Variants in EXOC1 observed in about 807,000 individuals in gnomAD.
EXOC1 encodes exocyst complex component 1.
In EXOC1, 67 loss-of-function variants were observed where a neutral mutation model predicts 107.7. The ratio of observed to expected loss-of-function variants is 0.62; its 90% CI spans 0.51 to 0.76. The LOEUF is 0.76. Ranked by LOEUF, EXOC1 falls within the 30% of genes least tolerant of loss-of-function variation. The probability of loss-of-function intolerance (pLI) is 0.00; values close to 1 mark genes in which losing one functional copy is unlikely to be tolerated. For synonymous variants in EXOC1, 348 were observed against 353.5 expected (o/e 0.98, Z 0.17); for missense variants, 833 against 1,055.7 (o/e 0.79, Z 2.92).
intron 15 of EXOC1, 96 bp from the exon 16 acceptor site, chr4:55,896,621 A>G (rs1188627832): frequency 4.1e-6 from 4 of 967,718 alleles, no homozygotes; most frequent in Non-Finnish European, 4.4e-6. Context: ...ATATCTATGT[A>G]TATATCTATA....
At chr4:55,863,128 G>A (rs756935589) in intron 3 of EXOC1, among the ~76,000 whole-genome samples, 10 of 152,008 alleles carry the variant, frequency 6.6e-5, no homozygotes, top group Non-Finnish European at 1.5e-4. Context: ...TCAAATTCCT[G>A]GGTTCAAGCA....
intron 15 of EXOC1, among the ~76,000 whole-genome samples, chr4:55,894,692 G>A (rs1043349663): frequency 3.8e-5 from 5 of 131,776 alleles, no homozygotes; most frequent in African/African-American, 1.2e-4. Context: ...GTGCAATCTC[G>A]GCTCACCGCA....
At chr4:55,883,696 C>G (rs1723615934) in intron 9 of EXOC1, 127 bp from the exon 10 acceptor site, 2 of 514,774 alleles carry the variant, frequency 3.9e-6, no homozygotes, top group Non-Finnish European at 6.7e-6. Context: ...ATTTTTATAT[C>G]CTGTGAAATA....
intron 1 of EXOC1, 54 bp from the exon 2 acceptor site, chr4:55,858,260 T>C (rs553138501): frequency 1.3e-6 from 2 of 1,495,284 alleles, no homozygotes; most frequent in Non-Finnish European, 1.8e-6. Flanking sequence ...TTCAGAAGTA[T>C]AAGATGGAAT....
rs1397322042 is a variant in EXOC1 at position 55,878,136 on chromosome 4, C to A, written c.1224+70C>A. The A allele has an allele frequency of 3.3e-6, 5 of 1,532,044 alleles. No individual in the cohort carries two copies. In the African/African-American group the frequency reaches 6.9e-5, roughly 21 times the overall value. The allele number at this position is 1,532,044 out of a possible 1,614,324, so 94.9% of individuals were successfully genotyped here. A position where few individuals can be genotyped will look rare whatever the true frequency, so the allele number is the denominator to read the frequency against. On this transcript the variant is annotated intron_variant, in intron 9 of 18. Transcript: ENST00000381295. Reference sequence around the variant, plus strand: ...TTTTAGAATTAAGAGGTCATGTGTTCAGTTCCCCAAGTTTAAAATACTGTA... The same window carrying A: ...TTTTAGAATTAAGAGGTCATGTGTTAAGTTCCCCAAGTTTAAAATACTGTA...
At chr4:55,879,076 C>A (rs902418973) in intron 9 of EXOC1, among the ~76,000 whole-genome samples, 2 of 152,140 alleles carry the variant, frequency 1.3e-5, no homozygotes, top group African/African-American at 4.8e-5. Flanking sequence ...ATACTGCTGA[C>A]TAAAATTCTG....
At chr4:55,859,700 TTAAG>T (rs1456128109) in intron 2 of EXOC1, among the ~76,000 whole-genome samples, 1 of 152,236 alleles carries the variant, frequency 6.6e-6, no homozygotes, top group Non-Finnish European at 1.5e-5. Context: ...CTTTACAGTG[TTAAG>T]TAAGTTCCCT....
At position 55,899,694 on chromosome 4, in the gene EXOC1, T is replaced by C. The variant is rs1231617869; in HGVS notation, c.2147T>C (p.Val716Ala). 2 of 1,610,286 alleles carry C rather than the reference T, an allele frequency of 1.2e-6. No individual in the cohort carries two copies. The highest frequency in any genetic ancestry group is 3.4e-5 in the Admixed American group (2 of 59,280). ...TCTGTTTTGGTTTTAGTGGAGAAAG[T>C]AGCAAATGAAAGCCAGAAGACCCCC... ...IRGVFVNVEK[V>A]ANESQKTPRD... is the part of the protein sequence containing the mutation. The change falls in exon 17 of 19, where the codon GTA (valine) becomes GCA (alanine). Residue 716 changes from valine to alanine, a missense_variant. By Grantham distance (64) the Val-to-Ala change is moderately conservative. Coordinates refer to ENST00000381295, the MANE Select transcript of EXOC1 (RefSeq NM_001024924.2).
chr4:55,877,842 C>A, intron 8 of EXOC1, 75 bp from the exon 9 acceptor site: 1 of 1,567,238 alleles, frequency 6.4e-7, no homozygotes, highest in South Asian at 1.2e-5. Context: ...ACATTTTGGT[C>A]ATTGTTTAGA....
At chr4:55,899,516 A>G (rs182603738) in intron 16 of EXOC1, among the ~76,000 whole-genome samples, 169 bp from the exon 17 acceptor site, 32 of 152,264 alleles carry the variant, frequency 2.1e-4, no homozygotes, top group African/African-American at 7.0e-4. Context: ...ATGACTTTTT[A>G]TTATGATTAG....
chr4:55,876,262 A>G (rs1184766992), intron 8 of EXOC1: 14 of 985,284 alleles, frequency 1.4e-5, no homozygotes, highest in Non-Finnish European at 1.6e-5. Flanking sequence ...CTTTTGGAAG[A>G]TGTGATTGTT....
chr4:55,865,048 A>T (rs2110323312), intron 4 of EXOC1, among the ~76,000 whole-genome samples: 1 of 152,320 alleles, frequency 6.6e-6, no homozygotes, highest in East Asian at 1.9e-4. Flanking sequence ...AATAGTATCT[A>T]CCTCATAGGG....
In EXOC1 at chr4:55,883,824, ATT is replaced by A; in HGVS notation, c.1227_1228del (p.Asn409LysfsTer10). 6.4e-7 allele frequency: 1 copy of A among 1,556,916 alleles called. No individual in the cohort carries two copies. Among genetic ancestry groups the A allele is most frequent in the Non-Finnish European group, 8.7e-7 (1 of 1,146,662 alleles). On this transcript the variant is annotated frameshift_variant and splice_region_variant, in exon 10 of 19. Coordinates refer to ENST00000381295, the MANE Select transcript of EXOC1 (RefSeq NM_001024924.2). LOFTEE classifies it high-confidence loss of function. ...AGTACATGTTACTTTTATTTTAAGA[ATT>A]ACATGGATTATTTATCCCGACTATA...
chr4:55,877,555 T>C (rs1029684648), intron 8 of EXOC1: 66 of 985,406 alleles, frequency 6.7e-5, no homozygotes, highest in Non-Finnish European at 7.6e-5. Context: ...TTGTGTTTCT[T>C]AATTCAAGCT....
At chr4:55,878,243 G>T (rs1577723563) in intron 9 of EXOC1, among the ~76,000 whole-genome samples, 177 bp downstream of exon 9, 1 of 152,130 alleles carries the variant, frequency 6.6e-6, no homozygotes, top group Non-Finnish European at 1.5e-5. Flanking sequence ...ATAAAGGAGA[G>T]CTAAATTTTA....
At chr4:55,899,630 G>A (rs1299899647) in intron 16 of EXOC1, 55 bp from the exon 17 acceptor site, 39 of 1,472,098 alleles carry the variant, frequency 2.6e-5, no homozygotes, top group Non-Finnish European at 3.3e-5. Flanking sequence ...AATGTTTATA[G>A]CTAAATATGG....
Position 55,870,914 on chromosome 4 carries a change from G to A in EXOC1, c.831+9G>A, listed in dbSNP as rs1480439088. ...AGATAGAGTTCCTTGTGGTAAGTAT[G>A]ATCATAAATTACCAACAAAAAAAAA... On this transcript the variant is annotated intron_variant, in intron 6 of 18. Coordinates refer to ENST00000381295, the MANE Select transcript of EXOC1 (RefSeq NM_001024924.2). 1.3e-6 allele frequency: 2 copies of A among 1,589,734 alleles called. No individual in the cohort carries two copies. Among genetic ancestry groups the A allele is most frequent in the Admixed American group, 3.6e-5 (2 of 55,338 alleles).
intron 9 of EXOC1, 137 bp downstream of exon 9, chr4:55,878,203 C>T: frequency 1.1e-6 from 1 of 938,572 alleles, no homozygotes; most frequent in Non-Finnish European, 1.6e-6. Context: ...GTGCTCTTTA[C>T]CAGTGATAAC....
In EXOC1 at chr4:55,902,446, A is replaced by C; in HGVS notation, c.2440A>C (p.Lys814Gln). 1 of 1,592,508 alleles carries C rather than the reference A, an allele frequency of 6.3e-7. No individual in the cohort carries two copies. Among genetic ancestry groups the C allele is most frequent in the Non-Finnish European group, 8.5e-7 (1 of 1,171,350 alleles). The change falls in exon 18 of 19, where the codon AAG (lysine) becomes CAG (glutamine). Residue 814 changes from lysine (K) to glutamine (Q), a missense_variant. This residue lies in a region of EXOC1 where 216 missense variants were observed against 354.4 expected (regional missense o/e 0.61). Transcript: ENST00000381295. ...FNKQELRKVI[K>Q]EYPGKEVKKG... ...CAAACAAGAACTTCGTAAAGTCATT[A>C]AGGAGTACCCTGGAAAGGAAGTAAA...
Sources: allele counts gnomAD v4.1 joint callset (sites outside exome capture counted in the v4.1 genomes callset), GRCh38; gene constraint gnomAD v4.1.1; regional missense constraint gnomAD v4.1.1; transcripts MANE v1.5; gene names NCBI Gene and HGNC (gene_info 2026-07-23, HGNC 2026-07-21).